Variants in CNMD observed in about 807,000 individuals in gnomAD.
CNMD encodes the protein leukocyte cell-derived chemotaxin 1.
A neutral mutation model predicts 37.5 loss-of-function variants in CNMD; 30 were observed. The observed-to-expected ratio is 0.80, with a 90% CI of 0.60 to 1.09. The LOEUF (loss-of-function observed/expected upper bound fraction) is 1.09, where lower values mean the gene tolerates loss of function less well. CNMD is among the 50% of genes least tolerant of loss of function. CNMD has a pLI of 0.00. For synonymous variants in CNMD, 167 were observed against 148.2 expected (o/e 1.13, Z -0.92); for missense variants, 398 against 423.9 (o/e 0.94, Z 0.54).
rs1317586843 is a variant in CNMD, at chr13:52,739,251, G to A, written c.73-80C>T. ...CCCCCAGCGCACCCGGGCCCCACGC[G>A]GTAGCCCCCAGGGAGTGGGGAGTCG... On this transcript the variant is annotated intron_variant, in intron 1 of 6. Coordinates refer to ENST00000377962, the MANE Select transcript of CNMD (RefSeq NM_007015.3). This position sits in a 1 kb window ranked among gnomAD's most constrained non-coding sequence, Gnocchi z 5.4. 5.0e-6 allele frequency: 7 copies of A among 1,392,008 alleles called. No individual in the cohort carries two copies. Among genetic ancestry groups the A allele is most frequent in the Non-Finnish European group, 5.6e-6 (6 of 1,072,532 alleles). The allele number at this position is 1,392,008 out of a possible 1,614,324, so 86.2% of individuals were successfully genotyped here. A position where few individuals can be genotyped will look rare whatever the true frequency, so the allele number is the denominator to read the frequency against.
chr13:52,710,545 C>G (rs947565523), intron 5 of CNMD, among the ~76,000 whole-genome samples: 2 of 152,204 alleles, frequency 1.3e-5, no homozygotes, highest in African/African-American at 4.8e-5. Context: ...GCTTCAAGAT[C>G]CAAGGGCATG....
At chr13:52,732,824 G>C (rs925269062) in intron 3 of CNMD, among the ~76,000 whole-genome samples, 6 of 152,078 alleles carry the variant, frequency 3.9e-5, no homozygotes, top group African/African-American at 7.2e-5. Flanking sequence ...AGAAGAACCT[G>C]CTCTTTTCAA....
At chr13:52,714,928 T>C (rs1481602975) in intron 4 of CNMD, among the ~76,000 whole-genome samples, 2 of 152,210 alleles carry the variant, frequency 1.3e-5, no homozygotes, top group African/African-American at 4.8e-5. Context: ...TACCTTGTCA[T>C]GACATGTTAC....
chr13:52,710,490 C>T (rs1334207919), intron 5 of CNMD, among the ~76,000 whole-genome samples: 1 of 152,190 alleles, frequency 6.6e-6, no homozygotes, highest in Non-Finnish European at 1.5e-5. Context: ...GCTGTCATTC[C>T]CCGTGTCTCT....
At chr13:52,730,552 T>C (rs1964648376) in intron 3 of CNMD, among the ~76,000 whole-genome samples, 1 of 152,134 alleles carries the variant, frequency 6.6e-6, no homozygotes, top group African/African-American at 2.4e-5. Flanking sequence ...GTGGTTTTGA[T>C]TTGCATTTCT....
In CNMD at chr13:52,708,572, C is replaced by T. The variant is rs368430440; in HGVS notation, c.753G>A (p.Glu251=). The T allele has an allele frequency of 2.5e-5, 41 of 1,613,756 alleles. No individual in the cohort carries two copies. The highest frequency in any genetic ancestry group is 3.5e-5 in the Non-Finnish European group (41 of 1,179,926). ...LNNETRPSVQ[E]DSQAFNPDNP... is the part of the protein sequence containing the mutation. ...TATCAGGATTGAAGGCTTGTGAGTC[C>T]TCTTGAACACTGGGTCTGGTTTCAT... Residue 251 remains glutamate, a synonymous_variant, in exon 6 of 7, where the codon GAG becomes GAA. Transcript: ENST00000377962.
intron 4 of CNMD, among the ~76,000 whole-genome samples, chr13:52,723,355 A>G (rs984454232): frequency 3.3e-5 from 5 of 152,102 alleles, no homozygotes; most frequent in African/African-American, 1.2e-4. Flanking sequence ...GGCCTCCCAA[A>G]GTGCTGGGAT....
rs1381832062 is a variant in CNMD at position 52,703,382 on chromosome 13, G to A, written c.*213C>T. ...AATAACAAATAATAAAGGGGTTATG[G>A]CATTTTAGACTTGAACTACCCTTTC... On this transcript the variant is annotated 3_prime_UTR_variant, in exon 7 of 7. Coordinates refer to ENST00000377962, the MANE Select transcript of CNMD (RefSeq NM_007015.3). 4 of 467,196 alleles carry A rather than the reference G, an allele frequency of 8.6e-6. No individual in the cohort carries two copies. The Admixed American group carries it at 1.4e-4, about 17-fold the overall frequency. The allele number at this position is 467,196 out of a possible 1,614,324, so 28.9% of individuals were successfully genotyped here.
At chr13:52,706,754 TGG>T (rs1203381842) in intron 6 of CNMD, among the ~76,000 whole-genome samples, 27 of 148,482 alleles carry the variant, frequency 1.8e-4, no homozygotes, top group African/African-American at 4.5e-4. Context: ...TGTGTGTCTG[TGG>T]GTGTGTACTT....
intron 2 of CNMD, among the ~76,000 whole-genome samples, chr13:52,734,136 C>T (rs137887999): frequency 7.4e-4 from 113 of 152,288 alleles, no homozygotes; most frequent in African/African-American, 2.6e-3. Context: ...AGAAGAGCAT[C>T]GGTCCAGTAA....
At chr13:52,738,836 A>G (rs1487889767) in intron 2 of CNMD, among the ~76,000 whole-genome samples, 195 bp downstream of exon 2, 2 of 152,152 alleles carry the variant, frequency 1.3e-5, no homozygotes, top group African/African-American at 4.8e-5. Context: ...TCTCCCGTGA[A>G]ACCTTCACTT....
chr13:52,720,411 G>A (rs538877278), intron 4 of CNMD, among the ~76,000 whole-genome samples: 151 of 152,230 alleles, frequency 9.9e-4, no homozygotes, highest in Admixed American at 1.6e-3. Context: ...AGGAGAAGAG[G>A]CGTTCTGGTT....
chr13:52,719,913 A>C (rs1239164051), intron 4 of CNMD, among the ~76,000 whole-genome samples: 4 of 152,168 alleles, frequency 2.6e-5, no homozygotes, highest in Non-Finnish European at 5.9e-5. Flanking sequence ...TAATATCCTG[A>C]AGAGTGTTTC....
chr13:52,732,718 G>T (rs779047258), intron 3 of CNMD, among the ~76,000 whole-genome samples: 45 of 152,228 alleles, frequency 3.0e-4, no homozygotes, highest in Non-Finnish European at 4.6e-4. Flanking sequence ...AACATTCTTG[G>T]ATTGTTTTGA....
At chr13:52,704,149 A>C (rs1379795879) in intron 6 of CNMD, among the ~76,000 whole-genome samples, 1 of 152,258 alleles carries the variant, frequency 6.6e-6, no homozygotes, top group Non-Finnish European at 1.5e-5. Flanking sequence ...AGAAGGAAGC[A>C]TTATGATAAA....
chr13:52,723,681 G>A (rs527562883), intron 4 of CNMD, among the ~76,000 whole-genome samples: 16 of 152,152 alleles, frequency 1.1e-4, no homozygotes, highest in African/African-American at 3.9e-4. Flanking sequence ...TATAATCCTG[G>A]CACTTTAGGA....
intron 3 of CNMD, among the ~76,000 whole-genome samples, chr13:52,727,589 A>C (rs1289026732): frequency 6.6e-6 from 1 of 152,160 alleles, no homozygotes; most frequent in African/African-American, 2.4e-5. Flanking sequence ...ATATATATAT[A>C]TATCCACAAT....
rs755557839 is a variant in CNMD, at chr13:52,733,502, T to C, written c.214-143A>G. 17 of 769,538 alleles carry C rather than the reference T, an allele frequency of 2.2e-5. No homozygotes were observed. In the African/African-American group the frequency reaches 2.6e-4, roughly 12 times the overall value. 47.7% of individuals were successfully genotyped at this position (769,538 alleles called of 1,614,324 possible). On this transcript the variant is annotated intron_variant, in intron 2 of 6. Transcript: ENST00000377962. The stretch of plus-strand genomic sequence containing the variant: ...TTAATAATAATACATTTATATATGA[T>C]GACTTCATTCATACAACAATCAGTT...
chr13:52,724,597 C>CA (rs1173786531), intron 3 of CNMD, among the ~76,000 whole-genome samples: 2 of 151,002 alleles, frequency 1.3e-5, no homozygotes, highest in African/African-American at 4.9e-5. Flanking sequence ...CGTCTCAAAA[C>CA]AAAAACAAAA....
Sources: gnomAD v4.1 joint callset for allele counts (sites outside exome capture counted in the v4.1 genomes callset) on GRCh38, gnomAD v4.1.1 for gene constraint, Gnocchi (gnomAD v3.1) non-coding constraint, MANE v1.5 for transcripts, NCBI Gene and HGNC (gene_info 2026-07-23, HGNC 2026-07-21) for gene names.